Variants in NRG3 observed in about 807,000 individuals in gnomAD.
The protein encoded by NRG3 is pro-neuregulin-3, membrane-bound isoform.
Under a neutral mutation model 66.9 loss-of-function variants are expected in NRG3, and 31 were observed. The ratio of observed to expected loss-of-function variants is 0.46; its 90% CI spans 0.35 to 0.63. The LOEUF (loss-of-function observed/expected upper bound fraction) is 0.63, where lower values mean the gene tolerates loss of function less well. Ranked by LOEUF, NRG3 falls within the 20% of genes least tolerant of loss-of-function variation. The pLI is 0.00. For missense variants in NRG3, 910 were observed against 878.9 expected, an observed-to-expected ratio of 1.04 and a Z score of -0.45; for synonymous variants, 393 against 359.4, an observed-to-expected ratio of 1.09 and a Z score of -1.06.
At chr10:82,927,657 TG>T (rs1591987532) in intron 4 of NRG3, among the ~76,000 whole-genome samples, 1 of 152,220 alleles carries the variant, frequency 6.6e-6, no homozygotes, top group African/African-American at 2.4e-5. Flanking sequence ...TCCATGTCCC[TG>T]CAAAGGACAT....
At chr10:82,587,199 C>T (rs551556453) in intron 2 of NRG3, among the ~76,000 whole-genome samples, 1 of 152,240 alleles carries the variant, frequency 6.6e-6, no homozygotes, top group Admixed American at 6.5e-5. Flanking sequence ...GATCTGAGAA[C>T]TCAACTGTCT....
At chr10:82,288,493 G>A (rs1004625918) in intron 1 of NRG3, among the ~76,000 whole-genome samples, 4 of 152,170 alleles carry the variant, frequency 2.6e-5, no homozygotes, top group African/African-American at 4.8e-5. Context: ...CAGCAAGGAG[G>A]AGGCAGCCTG....
At chr10:82,956,210 G>A (rs886499930) in intron 5 of NRG3, among the ~76,000 whole-genome samples, 1 of 151,948 alleles carries the variant, frequency 6.6e-6, no homozygotes, top group African/African-American at 2.4e-5. Flanking sequence ...TCTTTCTAAT[G>A]CATTGGACCA....
At chr10:82,541,709 ACTT>A (rs1179097272) in intron 2 of NRG3, among the ~76,000 whole-genome samples, 4 of 151,940 alleles carry the variant, frequency 2.6e-5, no homozygotes, top group Admixed American at 1.3e-4. Flanking sequence ...TTTAGTTTTT[ACTT>A]CTTCTTTCTT....
At chr10:82,323,002 G>T (rs533218175) in intron 1 of NRG3, among the ~76,000 whole-genome samples, 1 of 152,114 alleles carries the variant, frequency 6.6e-6, no homozygotes, top group African/African-American at 2.4e-5. Context: ...TGTTACTAAC[G>T]GGTAAGAATA....
chr10:81,946,777 A>G (rs149799149), intron 1 of NRG3, among the ~76,000 whole-genome samples: 38 of 152,338 alleles, frequency 2.5e-4, no homozygotes, highest in African/African-American at 8.7e-4. Context: ...ATAGTCTCTC[A>G]TGCTCCGAAC....
intron 1 of NRG3, among the ~76,000 whole-genome samples, chr10:82,075,682 G>A (rs765384103): frequency 3.2e-4 from 49 of 151,814 alleles, no homozygotes; most frequent in Non-Finnish European, 5.2e-4. Context: ...TTCCTTATAC[G>A]TTCTGTAATT....
rs563704251 is a variant in NRG3, at chr10:82,348,810, C to G, written c.824-9929C>G. On this transcript the variant is annotated intron_variant, in intron 1 of 8. Transcript: ENST00000372141. ...CTAAACTTCCCATCTCACTTCATTTCATTCATTTCATCTTCCATTGCTGAT... is the reference window on the plus strand; with the variant it reads ...CTAAACTTCCCATCTCACTTCATTTGATTCATTTCATCTTCCATTGCTGAT... 4.6e-3 allele frequency among the ~76,000 whole-genome samples: 701 copies of G among 151,690 alleles called. 5 individuals are homozygous for G. The highest frequency in any genetic ancestry group is 8.0e-3 in the Non-Finnish European group (546 of 67,914).
intron 2 of NRG3, among the ~76,000 whole-genome samples, chr10:82,694,531 G>T (rs776709533): frequency 1.3e-5 from 2 of 152,120 alleles, no homozygotes; most frequent in Non-Finnish European, 2.9e-5. Flanking sequence ...AAGGCCAGCA[G>T]ATTGTTTGAG....
intron 1 of NRG3, among the ~76,000 whole-genome samples, chr10:82,271,102 T>G (rs1416458645): frequency 6.6e-6 from 1 of 152,034 alleles, no homozygotes; most frequent in Non-Finnish European, 1.5e-5. Flanking sequence ...GTTGTATTGG[T>G]GGCTACAGGC....
chr10:82,832,823 T>G (rs997364758), intron 3 of NRG3, among the ~76,000 whole-genome samples: 2 of 151,942 alleles, frequency 1.3e-5, no homozygotes, highest in East Asian at 1.9e-4. Context: ...TGTGTGTGTG[T>G]GTGTGTGTGT....
chr10:82,101,746 G>A (rs952101990), intron 1 of NRG3, among the ~76,000 whole-genome samples: 1 of 150,488 alleles, frequency 6.6e-6, no homozygotes, highest in African/African-American at 2.4e-5. Context: ...AATAAGCAAG[G>A]AAAGGGTCTA....
At chr10:82,311,754 C>T (rs1564781761) in intron 1 of NRG3, among the ~76,000 whole-genome samples, 1 of 152,120 alleles carries the variant, frequency 6.6e-6, no homozygotes, top group South Asian at 2.1e-4. Flanking sequence ...ACTATTGCCA[C>T]CACTCCCCCA....
chr10:82,027,183 C>T (rs899334313), intron 1 of NRG3, among the ~76,000 whole-genome samples: 13 of 151,982 alleles, frequency 8.6e-5, no homozygotes, highest in African/African-American at 3.1e-4. Flanking sequence ...ATTGAAATAA[C>T]CAAAATACTG....
chr10:82,685,977 T>C (rs2054479745), intron 2 of NRG3, among the ~76,000 whole-genome samples: 1 of 152,146 alleles, frequency 6.6e-6, no homozygotes, highest in African/African-American at 2.4e-5. Flanking sequence ...CAATGCCTTC[T>C]CATGGAATGC....
intron 2 of NRG3, among the ~76,000 whole-genome samples, chr10:82,476,032 A>G (rs1841747246): frequency 6.6e-6 from 1 of 152,218 alleles, no homozygotes; most frequent in African/African-American, 2.4e-5. Context: ...AATGACTTGA[A>G]TAGACATTTC....
At chr10:82,297,648 A>G (rs1055264430) in intron 1 of NRG3, among the ~76,000 whole-genome samples, 7 of 152,200 alleles carry the variant, frequency 4.6e-5, no homozygotes, top group African/African-American at 1.7e-4. Context: ...ATGAAATGAT[A>G]CAGGTGAAAA....
At chr10:82,417,790 A>G (rs756158153) in intron 2 of NRG3, among the ~76,000 whole-genome samples, 13 of 152,128 alleles carry the variant, frequency 8.5e-5, no homozygotes, top group Non-Finnish European at 1.6e-4. Context: ...CGAGCAAGGG[A>G]AGGAGCTAGA....
intron 2 of NRG3, among the ~76,000 whole-genome samples, chr10:82,455,908 G>A (rs927232188): frequency 6.6e-6 from 1 of 151,914 alleles, no homozygotes; most frequent in Admixed American, 6.6e-5. Flanking sequence ...GTGAGCCACG[G>A]CACCTGGCTA....
Sources: allele counts gnomAD v4.1 joint callset (sites outside exome capture counted in the v4.1 genomes callset), GRCh38; gene constraint gnomAD v4.1.1; transcripts MANE v1.5; gene names NCBI Gene and HGNC (gene_info 2026-07-23, HGNC 2026-07-21).